The following ZNF829 variants were observed in gnomAD, a reference collection of about 807,000 sequenced individuals.
ZNF829 encodes zinc finger protein 829.
Under a neutral mutation model 35.2 loss-of-function variants are expected in ZNF829, and 25 were observed. That is an observed-to-expected ratio of 0.71 (90% confidence interval 0.52 to 0.99). The LOEUF (loss-of-function observed/expected upper bound fraction) is 0.99, where lower values mean the gene tolerates loss of function less well. ZNF829 is among the 50% of genes least tolerant of loss of function. The pLI, the probability that ZNF829 is intolerant of heterozygous loss-of-function variation, is 0.00. For synonymous variants in ZNF829, 136 were observed against 163.2 expected, an observed-to-expected ratio of 0.83 and a Z score of 1.27; for missense variants, 417 against 515.3, an observed-to-expected ratio of 0.81 and a Z score of 1.85.
At position 36,915,660 on chromosome 19, in the gene ZNF829, C is replaced by T. The variant is rs567657419; in HGVS notation, c.-85+351G>A. 2.7e-4 allele frequency: 163 copies of T among 598,274 alleles called. 2 individuals are homozygous for T. The highest frequency in any genetic ancestry group is 2.7e-3 in the Admixed American group (95 of 34,938). 37.1% of individuals were successfully genotyped at this position (598,274 alleles called of 1,614,324 possible). Reference sequence around the variant, plus strand: ...GTCGCCAGGCTGGAGTGCAGTGGTGCGATCTCGGCTCACTGCAACCTCCGC... The same window carrying T: ...GTCGCCAGGCTGGAGTGCAGTGGTGTGATCTCGGCTCACTGCAACCTCCGC... On this transcript the variant is annotated intron_variant, in intron 1 of 5. Transcript: ENST00000391711.
chr19:36,899,577 G>A (rs2073144125), intron 5 of ZNF829, among the ~76,000 whole-genome samples: 2 of 151,312 alleles, frequency 1.3e-5, no homozygotes, highest in African/African-American at 4.9e-5. Flanking sequence ...ATCCTTATAC[G>A]TTGTATGAAT....
intron 5 of ZNF829, among the ~76,000 whole-genome samples, chr19:36,903,776 A>G (rs2146241137): frequency 6.6e-6 from 1 of 152,214 alleles, no homozygotes; most frequent in South Asian, 2.1e-4. Flanking sequence ...CTCTAATCCC[A>G]GCTACTCGGG....
At chr19:36,896,945 A>G (rs1954827704) in intron 5 of ZNF829, among the ~76,000 whole-genome samples, 1 of 152,188 alleles carries the variant, frequency 6.6e-6, no homozygotes, top group African/African-American at 2.4e-5. Flanking sequence ...CAAATCAGAT[A>G]ACCTAGAGGA....
chr19:36,907,087 C>CAAAAAAAAAA (rs1158970593), intron 5 of ZNF829: 8 of 23,724 alleles, frequency 3.4e-4, no homozygotes, highest in East Asian at 1.0e-3. Flanking sequence ...GACTCCATCT[C>CAAAAAAAAAA]AAAAAAAAAA....
intron 5 of ZNF829, among the ~76,000 whole-genome samples, chr19:36,904,560 C>T (rs563047141): frequency 5.9e-5 from 9 of 152,138 alleles, no homozygotes; most frequent in East Asian, 1.9e-4. Flanking sequence ...CCACTATGCC[C>T]GGTTAATTTT....
intron 5 of ZNF829, among the ~76,000 whole-genome samples, chr19:36,899,146 A>T (rs1193325347): frequency 6.6e-6 from 1 of 152,200 alleles, no homozygotes; most frequent in Non-Finnish European, 1.5e-5. Flanking sequence ...AAGGAAGCAA[A>T]AAAACTTAAT....
At chr19:36,900,288 TGCA>T (rs1007461271) in intron 5 of ZNF829, among the ~76,000 whole-genome samples, 2 of 150,844 alleles carry the variant, frequency 1.3e-5, no homozygotes, top group Non-Finnish European at 2.9e-5. Flanking sequence ...AGGCAGAAGT[TGCA>T]GTGAGCAGAG....
intron 5 of ZNF829, among the ~76,000 whole-genome samples, chr19:36,902,892 T>C (rs1033346471): frequency 1.3e-5 from 2 of 151,688 alleles, no homozygotes; most frequent in Admixed American, 6.6e-5. Flanking sequence ...AAAAATTAGC[T>C]GGACATGGTG....
At chr19:36,892,932 T>C (rs1185853793) in intron 5 of ZNF829, 9 of 885,000 alleles carry the variant, frequency 1.0e-5, no homozygotes, top group Non-Finnish European at 1.4e-5. Context: ...TGGAGGGCCA[T>C]GGAGGAGGAC....
intron 5 of ZNF829, among the ~76,000 whole-genome samples, chr19:36,894,146 A>G (rs998383189): frequency 3.9e-5 from 6 of 152,144 alleles, no homozygotes; most frequent in African/African-American, 9.7e-5. Context: ...GCTTCCACTA[A>G]CAACCAAGCC....
Position 36,891,624 on chromosome 19 carries a change from A to G in ZNF829, c.1167T>C (p.Phe389=). Residue 389 remains phenylalanine, a synonymous_variant, in exon 6 of 6, where the codon TTT becomes TTC. Coordinates refer to ENST00000391711, the MANE Select transcript of ZNF829 (RefSeq NM_001037232.4). ...GTCGAGTAAGATTTGAGCCTTTATT[A>G]AAGGCCTTCCCACATTCATTACATT... ...PYECNECGKA[F]NKGSNLTRHQ... 6.2e-7 allele frequency: 1 copy of G among 1,613,676 alleles called. No homozygotes were observed. The highest frequency in any genetic ancestry group is 8.5e-7 in the Non-Finnish European group (1 of 1,179,850).
Position 36,891,837 on chromosome 19 carries a change from A to T in ZNF829, c.954T>A (p.His318Gln). 1 of 1,614,130 alleles carries T rather than the reference A, an allele frequency of 6.2e-7. No homozygotes were observed. The highest frequency in any genetic ancestry group is 1.3e-5 in the African/African-American group (1 of 75,042). ...HSRLIQHQRM[H>Q]TGEKPYECKQ... ...TACATTCATAAGGTTTCTCACCAGT[A>T]TGCATTCTCTGATGCTGAATAAGCC... is the stretch of plus-strand genomic sequence containing the variant. Residue 318 changes from histidine to glutamine, a missense_variant, in exon 6 of 6, where the codon CAT becomes CAA. Physicochemically the swap from His to Gln is conservative, Grantham distance 24. Transcript: ENST00000391711.
Position 36,888,462 on chromosome 19 carries a change from A to C in ZNF829, c.*3030T>G, listed in dbSNP as rs1021492266. 1.3e-5 allele frequency: 2 copies of C among 152,132 alleles called. No individual in the cohort carries two copies. Among genetic ancestry groups the C allele is most frequent in the African/African-American group, 4.8e-5 (2 of 41,428 alleles). The allele number at this position is 152,132 out of a possible 1,614,324, so 9.4% of individuals were successfully genotyped here. ...CCCATTTTCTGTTCCCACCTACCAC[A>C]CTAAATTCTTGTGATCTTTCTACTC... is the stretch of plus-strand genomic sequence containing the variant. On this transcript the variant is annotated 3_prime_UTR_variant, in exon 6 of 6. Coordinates refer to ENST00000391711, the MANE Select transcript of ZNF829 (RefSeq NM_001037232.4).
chr19:36,895,012 G>C (rs189163729), intron 5 of ZNF829, among the ~76,000 whole-genome samples: 240 of 152,176 alleles, frequency 1.6e-3, no homozygotes, highest in African/African-American at 5.2e-3. Context: ...ACTGTCAAAA[G>C]TCAAAGACAG....
chr19:36,910,079 C>T (rs1345285059), intron 3 of ZNF829, among the ~76,000 whole-genome samples: 1 of 145,110 alleles, frequency 6.9e-6, no homozygotes, highest in Non-Finnish European at 1.6e-5. Context: ...TTTAACATTT[C>T]TTGAAAAATT....
chr19:36,893,446 A>G (rs1239162984), intron 5 of ZNF829, among the ~76,000 whole-genome samples: 1 of 152,202 alleles, frequency 6.6e-6, no homozygotes, highest in Non-Finnish European at 1.5e-5. Context: ...CTCCATGTCA[A>G]CATATAAACA....
rs2073304485 is a variant in ZNF829, at chr19:36,915,210, G to A, written c.-43C>T. On this transcript the variant is annotated 5_prime_UTR_variant, in exon 2 of 6. An upstream open reading frame in the 5' UTR gains an earlier in-frame stop. Transcript: ENST00000391711. ...GCTCAGGGGAAAGGTTGTGTTCACTGCTGTCCAGGGTTGGAATCTGACCAG... is the reference window on the plus strand; with the variant it reads ...GCTCAGGGGAAAGGTTGTGTTCACTACTGTCCAGGGTTGGAATCTGACCAG... 4.3e-6 allele frequency: 7 copies of A among 1,614,112 alleles called. No homozygotes were observed. The highest frequency in any genetic ancestry group is 5.9e-6 in the Non-Finnish European group (7 of 1,180,016).
chr19:36,911,547 G>A (rs1376722122), intron 3 of ZNF829, among the ~76,000 whole-genome samples: 1 of 152,070 alleles, frequency 6.6e-6, no homozygotes, highest in Non-Finnish European at 1.5e-5. Flanking sequence ...ACTCTGGGTA[G>A]TGTCAGAATT....
intron 5 of ZNF829, chr19:36,901,831 C>T (rs1218766937): frequency 2.8e-6 from 2 of 720,234 alleles, no homozygotes; most frequent in Non-Finnish European, 2.6e-6. Flanking sequence ...TCAGTATGCA[C>T]AAGCGCATCC....
Sources: allele counts gnomAD v4.1 joint callset (sites outside exome capture counted in the v4.1 genomes callset), GRCh38; gene constraint gnomAD v4.1.1; transcripts MANE v1.5; gene names NCBI Gene and HGNC (gene_info 2026-07-23, HGNC 2026-07-21).